SFMBT1: variants seen among roughly 807,000 people sequenced by gnomAD.
SFMBT1 encodes the protein scm-like with four MBT domains protein 1.
In SFMBT1, 32 loss-of-function variants were observed where a neutral mutation model predicts 108.7. That is an observed-to-expected ratio of 0.29 (90% CI 0.22 to 0.40). SFMBT1 has a LOEUF of 0.40. SFMBT1 is among the 10% of genes least tolerant of loss of function. SFMBT1 has a pLI of 1.00. For missense variants in SFMBT1, 816 were observed against 1,059.6 expected (o/e 0.77, Z 3.19); for synonymous variants, 348 against 369.5 (o/e 0.94, Z 0.67).
At position 52,954,362 on chromosome 3, in the gene SFMBT1, T is replaced by C. The variant is rs749341814; in HGVS notation, c.78A>G (p.Leu26=). 1 of 1,613,976 alleles carries C rather than the reference T, an allele frequency of 6.2e-7. No homozygotes were observed. Among genetic ancestry groups the C allele is most frequent in the Non-Finnish European group, 8.5e-7 (1 of 1,179,944 alleles). ...EEVELSWEDY[L]EETGSTAVPY... is the part of the protein sequence containing the mutation. ...GAACTGCTGTGGACCCTGTTTCTTCTAGATAATCTTCCCAGCTTAATTCTA... is the reference window on the plus strand; with the variant it reads ...GAACTGCTGTGGACCCTGTTTCTTCCAGATAATCTTCCCAGCTTAATTCTA... The change falls in exon 3 of 21, where the codon CTA becomes CTG. Residue 26 remains leucine, a synonymous_variant. Coordinates refer to ENST00000394752, the MANE Select transcript of SFMBT1 (RefSeq NM_016329.4).
intron 1 of SFMBT1, among the ~76,000 whole-genome samples, chr3:53,032,405 G>A (rs1699717785): frequency 6.6e-6 from 1 of 152,064 alleles, no homozygotes; most frequent in Admixed American, 6.6e-5. Flanking sequence ...GATATCCTTG[G>A]GATGGACAGA....
intron 1 of SFMBT1, among the ~76,000 whole-genome samples, chr3:52,997,522 C>T (rs1442669401): frequency 1.4e-5 from 2 of 147,512 alleles, no homozygotes; most frequent in East Asian, 2.0e-4. Context: ...GGTGACAGAG[C>T]GAGAGTCCAT....
chr3:52,942,224 C>T (rs1228559877), intron 4 of SFMBT1, among the ~76,000 whole-genome samples: 1 of 152,124 alleles, frequency 6.6e-6, no homozygotes, highest in Non-Finnish European at 1.5e-5. Flanking sequence ...AAGTTAATTT[C>T]CTCATTTTCA....
At chr3:53,043,306 T>C (rs911060660) in intron 1 of SFMBT1, 3 of 152,244 alleles carry the variant, frequency 2.0e-5, no homozygotes, top group African/African-American at 7.2e-5. Context: ...TGCTGATTTT[T>C]TTAATCACAC....
chr3:52,993,258 T>C (rs1698185602), intron 1 of SFMBT1, among the ~76,000 whole-genome samples: 1 of 150,128 alleles, frequency 6.7e-6, no homozygotes, highest in Admixed American at 6.7e-5. Flanking sequence ...TAAATGGACA[T>C]GTTTAGTTAC....
At chr3:52,933,419 AATTC>A (rs1022334302) in intron 5 of SFMBT1, among the ~76,000 whole-genome samples, 1 of 152,222 alleles carries the variant, frequency 6.6e-6, no homozygotes, top group African/African-American at 2.4e-5. Context: ...AAAGAAAAGA[AATTC>A]ATTATCAAGT....
chr3:52,922,081 A>C (rs1340727813), intron 10 of SFMBT1, among the ~76,000 whole-genome samples: 1 of 152,192 alleles, frequency 6.6e-6, no homozygotes, highest in East Asian at 1.9e-4. Context: ...GACCTTGCTC[A>C]AGCTGTATAA....
chr3:52,931,548 G>C (rs539328852), intron 6 of SFMBT1, among the ~76,000 whole-genome samples: 2 of 152,068 alleles, frequency 1.3e-5, no homozygotes, highest in East Asian at 3.9e-4. Flanking sequence ...GAAAAGAAAA[G>C]TAGGCACTTG....
intron 1 of SFMBT1, among the ~76,000 whole-genome samples, chr3:52,991,501 T>C (rs2564935): frequency 0.98 from 148,988 of 152,156 alleles, 73,034 homozygotes; most frequent in Middle Eastern, 1. Flanking sequence ...GGCGCCACCA[T>C]GCCTGGCTAA....
At chr3:52,905,993 C>G in intron 20 of SFMBT1, 120 bp downstream of exon 20, 3 of 1,163,900 alleles carry the variant, frequency 2.6e-6, no homozygotes, top group Non-Finnish European at 2.4e-6. Context: ...GGAATTAAGA[C>G]AATTCTTGTC....
At chr3:52,963,898 A>G (rs896347531) in intron 2 of SFMBT1, among the ~76,000 whole-genome samples, 1 of 152,256 alleles carries the variant, frequency 6.6e-6, no homozygotes, top group African/African-American at 2.4e-5. Flanking sequence ...GAGGACTTCT[A>G]TAGGATAAAA....
intron 2 of SFMBT1, among the ~76,000 whole-genome samples, chr3:52,961,853 C>T (rs1703969249): frequency 6.6e-6 from 1 of 151,888 alleles, no homozygotes; most frequent in South Asian, 2.1e-4. Context: ...GACTCTAGGT[C>T]CTTAAATAGC....
chr3:53,005,423 C>A (rs1698705432), intron 1 of SFMBT1, among the ~76,000 whole-genome samples: 1 of 152,194 alleles, frequency 6.6e-6, no homozygotes, highest in Non-Finnish European at 1.5e-5. Context: ...GATCCTCCTA[C>A]CTTATCCTGC....
chr3:52,999,376 A>T (rs979506941), intron 1 of SFMBT1, among the ~76,000 whole-genome samples: 3 of 150,374 alleles, frequency 2.0e-5, no homozygotes, highest in African/African-American at 4.8e-5. Context: ...GGGAGGAGCC[A>T]CCCACGCGCC....
intron 3 of SFMBT1, among the ~76,000 whole-genome samples, chr3:52,952,202 C>A (rs1173918607): frequency 2.6e-5 from 4 of 151,986 alleles, no homozygotes; most frequent in African/African-American, 9.7e-5. Flanking sequence ...ACTAAAAATA[C>A]AAAAAATTGG....
chr3:52,951,637 C>T (rs1000553140), intron 3 of SFMBT1, among the ~76,000 whole-genome samples: 27 of 152,166 alleles, frequency 1.8e-4, no homozygotes, highest in Non-Finnish European at 3.4e-4. Context: ...TGGTCTCGAA[C>T]TTCTGACCTC....
intron 3 of SFMBT1, among the ~76,000 whole-genome samples, chr3:52,947,712 G>C (rs889853906): frequency 2.0e-5 from 3 of 151,584 alleles, no homozygotes; most frequent in African/African-American, 7.3e-5. Flanking sequence ...CCTTTAAAAA[G>C]GTAGTGATTT....
At position 52,998,973 on chromosome 3, in the gene SFMBT1, G is replaced by A. The variant is rs1323438672; in HGVS notation, c.-130-29715C>T. 2.0e-5 allele frequency among the ~76,000 whole-genome samples: 3 copies of A among 150,828 alleles called. 1 individual carries two copies. The highest frequency in any genetic ancestry group is 3.0e-5 in the Non-Finnish European group (2 of 67,270). On this transcript the variant is annotated intron_variant, in intron 1 of 20. Transcript: ENST00000394752. ...TGGAGGGAGCATTCAGCTGGTGCGC[G>A]AGCTGGGTACTAAACTGGCTCTACT...
Position 52,986,980 on chromosome 3 carries a change from T to A in SFMBT1, c.-130-17722A>T, listed in dbSNP as rs541777787. 1.5e-4 allele frequency among the ~76,000 whole-genome samples: 23 copies of A among 152,176 alleles called. No individual in the cohort carries two copies. In the Middle Eastern group the frequency reaches 0.01, roughly 68 times the overall value. On this transcript the variant is annotated intron_variant, in intron 1 of 20. Coordinates refer to ENST00000394752, the MANE Select transcript of SFMBT1 (RefSeq NM_016329.4). ...TTTCTTTATATCCTTATTCTATAAC[T>A]TTTTTCTATTAACTTTTTATTTACT...
Sources: gnomAD v4.1 joint callset for allele counts (sites outside exome capture counted in the v4.1 genomes callset) on GRCh38, gnomAD v4.1.1 for gene constraint, MANE v1.5 for transcripts, NCBI Gene and HGNC (gene_info 2026-07-23, HGNC 2026-07-21) for gene names.